Variants in DOCK9 observed in about 807,000 individuals in gnomAD.
The protein encoded by DOCK9 is dedicator of cytokinesis 9.
Under a neutral mutation model 263.3 loss-of-function variants are expected in DOCK9, and 89 were observed. The observed-to-expected ratio is 0.34, with a 90% CI of 0.28 to 0.40. The LOEUF (loss-of-function observed/expected upper bound fraction) is 0.40, where lower values mean the gene tolerates loss of function less well. DOCK9 is among the 10% of genes least tolerant of loss of function. The probability of loss-of-function intolerance (pLI) is 1.00; values close to 1 mark genes in which losing one functional copy is unlikely to be tolerated. For missense variants in DOCK9, 2,140 were observed against 2,603.4 expected (o/e 0.82, Z 3.87); for synonymous variants, 976 against 973.1 (o/e 1.00, Z -0.06).
chr13:98,799,651 T>C (rs1327244473), intron 50 of DOCK9, among the ~76,000 whole-genome samples: 1 of 152,176 alleles, frequency 6.6e-6, no homozygotes, highest in East Asian at 1.9e-4. Flanking sequence ...GAAGGTCATA[T>C]GGAAAAAATA....
chr13:99,069,757 T>C (rs2041587744), intron 1 of DOCK9, among the ~76,000 whole-genome samples: 1 of 152,232 alleles, frequency 6.6e-6, no homozygotes, highest in African/African-American at 2.4e-5. Context: ...AGTGGTACTT[T>C]CCAAAAAATA....
At chr13:98,854,394 A>G (rs548797259) in intron 34 of DOCK9, 1 of 152,184 alleles carries the variant, frequency 6.6e-6, no homozygotes, top group African/African-American at 2.4e-5. Context: ...CCAATTGAAA[A>G]AAAAATTATG....
chr13:98,973,551 G>C (rs569765466), intron 1 of DOCK9, among the ~76,000 whole-genome samples: 1 of 152,260 alleles, frequency 6.6e-6, no homozygotes, highest in South Asian at 2.1e-4. Flanking sequence ...TTTAACACTT[G>C]AGGATCCCAG....
At chr13:98,797,706 T>C (rs1437484604) in intron 50 of DOCK9, among the ~76,000 whole-genome samples, 1 of 152,198 alleles carries the variant, frequency 6.6e-6, no homozygotes, top group East Asian at 1.9e-4. Context: ...CTTGTGATGA[T>C]GGTTTACTTT....
At position 98,794,879 on chromosome 13, in the gene DOCK9, G is replaced by C. The variant is rs1458484701; in HGVS notation, c.6157-131C>G. On this transcript the variant is annotated intron_variant, in intron 52 of 52. Coordinates refer to ENST00000682017, the MANE Select transcript of DOCK9 (RefSeq NM_001366683.2). ...AGAGTTTAAGGCAATGTTGCCACGT[G>C]CAACACAATGTTACTGAGTATAAGG... is the stretch of plus-strand genomic sequence containing the variant. 38 of 897,536 alleles carry C rather than the reference G, an allele frequency of 4.2e-5. 1 individual carries two copies. The allele number at this position is 897,536 out of a possible 1,614,324, so 55.6% of individuals were successfully genotyped here.
At chr13:98,814,280 T>C (rs1342761810) in intron 45 of DOCK9, among the ~76,000 whole-genome samples, 3 of 152,244 alleles carry the variant, frequency 2.0e-5, no homozygotes, top group African/African-American at 7.2e-5. Context: ...ATTGCAGGTC[T>C]CATAAATACA....
intron 2 of DOCK9, among the ~76,000 whole-genome samples, chr13:98,936,795 G>A (rs551622201): frequency 1.3e-5 from 2 of 152,252 alleles, no homozygotes; most frequent in East Asian, 3.9e-4. Context: ...TAGCATGAGT[G>A]AGCACTCTGT....
In DOCK9 at chr13:98,903,050, C is replaced by A. The variant is rs2048533469; in HGVS notation, c.1098G>T (p.Arg366Ser). 1 of 1,538,110 alleles carries A rather than the reference C, an allele frequency of 6.5e-7. No homozygotes were observed. Among genetic ancestry groups the A allele is most frequent in the Non-Finnish European group, 8.8e-7 (1 of 1,142,036 alleles). ...VKSFEEKFGK[R>S]ILVKCNDLSF... Reference sequence around the variant, plus strand: ...ATAAATCATTGCACTTGACAAGGATCCTTTTTCCAAACTTCTCTTCAAATG... The same window carrying A: ...ATAAATCATTGCACTTGACAAGGATACTTTTTCCAAACTTCTCTTCAAATG... Residue 366 changes from arginine to serine, a missense_variant, in exon 11 of 53, where the codon AGG becomes AGT. Physicochemically the swap from Arg to Ser is moderately radical, Grantham distance 110 (BLOSUM62 -1). Around this residue, in one of 2 missense-constraint regions of DOCK9, gnomAD observed 1,521 missense variants for 1,741.7 expected, o/e 0.87. Coordinates refer to ENST00000682017, the MANE Select transcript of DOCK9 (RefSeq NM_001366683.2).
intron 1 of DOCK9, among the ~76,000 whole-genome samples, chr13:98,987,952 TA>T (rs72338277): frequency 0.22 from 33,833 of 151,996 alleles, 3,770 homozygotes; most frequent in Middle Eastern, 0.31. Flanking sequence ...AAATTTTTTT[TA>T]AATTTAAAAA....
At chr13:98,810,097 A>G (rs374964640) in intron 46 of DOCK9, 72 bp downstream of exon 46, 11 of 1,594,250 alleles carry the variant, frequency 6.9e-6, no homozygotes, top group Non-Finnish European at 7.7e-6. Flanking sequence ...TCTCTCACAT[A>G]TATGCAGGTC....
intron 1 of DOCK9, among the ~76,000 whole-genome samples, chr13:99,005,384 C>A (rs1009784914): frequency 6.6e-6 from 1 of 152,074 alleles, no homozygotes; most frequent in South Asian, 2.1e-4. Context: ...TTCTTGTTTT[C>A]ATTTTTCCTG....
At chr13:98,836,917 C>T in intron 39 of DOCK9, among the ~76,000 whole-genome samples, 1 of 151,752 alleles carries the variant, frequency 6.6e-6, no homozygotes, top group East Asian at 1.9e-4. Context: ...AATCATTTAG[C>T]AAGAATGAGA....
intron 10 of DOCK9, among the ~76,000 whole-genome samples, chr13:98,904,235 A>C (rs1270345323): frequency 1.3e-5 from 2 of 152,252 alleles, no homozygotes; most frequent in Non-Finnish European, 2.9e-5. Context: ...GAAACAGAAA[A>C]GTACTTATCG....
intron 49 of DOCK9, among the ~76,000 whole-genome samples, chr13:98,802,589 G>A (rs965801020): frequency 6.6e-6 from 1 of 152,188 alleles, no homozygotes; most frequent in African/African-American, 2.4e-5. Flanking sequence ...TGAAAGAAGT[G>A]GAGGAGGCTT....
At chr13:99,042,592 G>C (rs962739255) in intron 1 of DOCK9, among the ~76,000 whole-genome samples, 3 of 152,150 alleles carry the variant, frequency 2.0e-5, no homozygotes, top group Admixed American at 1.3e-4. Flanking sequence ...CTGGTGTAGG[G>C]GCCAGCAATC....
Position 98,825,894 on chromosome 13 carries a change from G to A in DOCK9, c.5023+936C>T. ...CACCTCCCCGGCTCCTCCTCAGGCAGGCGCTATGGCTGTGGGGGAGAAGGG... is the reference window on the plus strand; with the variant it reads ...CACCTCCCCGGCTCCTCCTCAGGCAAGCGCTATGGCTGTGGGGGAGAAGGG... On this transcript the variant is annotated intron_variant, in intron 44 of 52. Coordinates refer to ENST00000682017, the MANE Select transcript of DOCK9 (RefSeq NM_001366683.2). This position sits in a 1 kb window ranked among gnomAD's most constrained non-coding sequence, Gnocchi z 4.1. 1 of 1,549,590 alleles carries A rather than the reference G, an allele frequency of 6.5e-7. No individual in the cohort carries two copies. Among genetic ancestry groups the A allele is most frequent in the Non-Finnish European group, 8.7e-7 (1 of 1,146,212 alleles).
intron 15 of DOCK9, among the ~76,000 whole-genome samples, chr13:98,890,354 C>G (rs778103051): frequency 1.3e-5 from 2 of 152,190 alleles, no homozygotes; most frequent in African/African-American, 2.4e-5. Context: ...ACTGCCCACT[C>G]ACGTGTGCAG....
chr13:98,820,704 TAAAGA>T, intron 45 of DOCK9: 1 of 421,814 alleles, frequency 2.4e-6, no homozygotes, highest in South Asian at 1.7e-5. Context: ...TTATTAGCTT[TAAAGA>T]AAAATCAGGA....
rs73560649 is a variant in DOCK9, at chr13:98,915,576, G to T, written c.718-73C>A. On this transcript the variant is annotated intron_variant, in intron 7 of 52. Transcript: ENST00000682017. ...TGCTTTAAAATAATTACTCTCTCTT[G>T]TTGGTGAGTGATATCTCATTGGCAT... The T allele has an allele frequency of 7.8e-4, 1,083 of 1,389,756 alleles. 3 individuals carry two copies. The African/African-American group carries it at 0.014, about 17-fold the overall frequency. The allele number at this position is 1,389,756 out of a possible 1,614,324, so 86.1% of individuals were successfully genotyped here.
Sources: allele counts gnomAD v4.1 joint callset (sites outside exome capture counted in the v4.1 genomes callset), GRCh38; gene constraint gnomAD v4.1.1; regional missense constraint gnomAD v4.1.1; non-coding constraint Gnocchi (gnomAD v3.1); transcripts MANE v1.5; gene names NCBI Gene and HGNC (gene_info 2026-07-23, HGNC 2026-07-21).